The following NCOA2 variants were observed in gnomAD, a reference collection of about 807,000 sequenced individuals.
NCOA2 encodes the protein class E basic helix-loop-helix protein 75.
A neutral mutation model predicts 145.1 loss-of-function variants in NCOA2; 21 were observed. The ratio of observed to expected loss-of-function variants is 0.14; its 90% CI spans 0.10 to 0.21. NCOA2 has a LOEUF of 0.21. NCOA2 is among the 10% of genes least tolerant of loss of function. The probability of loss-of-function intolerance (pLI) is 1.00; values close to 1 mark genes in which losing one functional copy is unlikely to be tolerated. For missense variants in NCOA2, 1,472 were observed against 1,837.6 expected, an observed-to-expected ratio of 0.80 and a Z score of 3.64; for synonymous variants, 619 against 637.5, an observed-to-expected ratio of 0.97 and a Z score of 0.44.
intron 10 of NCOA2, among the ~76,000 whole-genome samples, chr8:70,159,242 A>ATATATATATATTTTTTTTTTT: frequency 3.3e-5 from 2 of 61,076 alleles, no homozygotes; most frequent in African/African-American, 1.1e-4. Context: ...ATATATATAT[A>ATATATATATATTTTTTTTTTT]TTTTTTTTTT....
chr8:70,378,743 T>TTA (rs564704569), intron 1 of NCOA2, among the ~76,000 whole-genome samples: 2 of 109,878 alleles, frequency 1.8e-5, no homozygotes, highest in Non-Finnish European at 3.8e-5. Context: ...TAGGCTATGC[T>TTA]AAAAAAAAAA....
chr8:70,145,585 T>A (rs1034505444), intron 12 of NCOA2, among the ~76,000 whole-genome samples: 2 of 151,820 alleles, frequency 1.3e-5, no homozygotes, highest in Admixed American at 1.3e-4. Flanking sequence ...CCTCCCAAAG[T>A]GCTGGGATTA....
At chr8:70,115,220 G>A (rs1371560871) in intron 22 of NCOA2, among the ~76,000 whole-genome samples, 2 of 151,990 alleles carry the variant, frequency 1.3e-5, no homozygotes, top group Admixed American at 6.6e-5. Flanking sequence ...GTACGATCTC[G>A]GCTCACTGCA....
chr8:70,148,311 A>G lies in NCOA2; in HGVS notation c.2567T>C (p.Val856Ala). The G allele has an allele frequency of 6.2e-7, 1 of 1,613,984 alleles. No homozygotes were observed. The highest frequency in any genetic ancestry group is 8.5e-7 in the Non-Finnish European group (1 of 1,179,872). ...TCGCAGTGCTGTTTTCTGGGCTCCAACAGGTGTGACAGGGCTGTTTTCAGC... is the reference window on the plus strand; with the variant it reads ...TCGCAGTGCTGTTTTCTGGGCTCCAGCAGGTGTGACAGGGCTGTTTTCAGC... ...LTAENSPVTP[V>A]GAQKTALRIS... Residue 856 changes from valine to alanine, a missense_variant, in exon 12 of 23, where the codon GTT becomes GCT. By Grantham distance (64) the Val-to-Ala change is moderately conservative. Around this residue, in one of 4 missense-constraint regions of NCOA2, gnomAD observed 953 missense variants for 1,062.1 expected, o/e 0.90. Transcript: ENST00000452400.
At chr8:70,226,965 T>C (rs1278326440) in intron 2 of NCOA2, among the ~76,000 whole-genome samples, 3 of 151,424 alleles carry the variant, frequency 2.0e-5, no homozygotes. Flanking sequence ...GCTTCACAGA[T>C]TCCACCAGGA....
chr8:70,340,845 C>A (rs982652454), intron 1 of NCOA2, among the ~76,000 whole-genome samples: 1 of 152,082 alleles, frequency 6.6e-6, no homozygotes, highest in East Asian at 1.9e-4. Flanking sequence ...AAACAAACAC[C>A]GCATGTTTTT....
At position 70,348,940 on chromosome 8, in the gene NCOA2, T is replaced by A. The variant is rs150873538; in HGVS notation, c.-76-52140A>T. Among the ~76,000 whole-genome samples the A allele has an allele frequency of 9.1e-4, 126 of 137,734 alleles. 1 individual carries two copies. Among genetic ancestry groups the A allele is most frequent in the African/African-American group, 3.4e-3 (122 of 36,336 alleles). The allele number at this position is 137,734 out of a possible 152,430, so 90.4% of individuals were successfully genotyped here. A position where few individuals can be genotyped will look rare whatever the true frequency, so the allele number is the denominator to read the frequency against. On this transcript the variant is annotated intron_variant, in intron 1 of 22. Coordinates refer to ENST00000452400, the MANE Select transcript of NCOA2 (RefSeq NM_006540.4). Reference sequence around the variant, plus strand: ...AGGCAAAAGCTTGGATTGCATAAGATCACTAAATTAAAAGGGCATACTGGC... The same window carrying A: ...AGGCAAAAGCTTGGATTGCATAAGAACACTAAATTAAAAGGGCATACTGGC...
intron 1 of NCOA2, among the ~76,000 whole-genome samples, chr8:70,369,877 C>CT (rs35798436): frequency 0.029 from 4,171 of 145,484 alleles, 90 homozygotes; most frequent in African/African-American, 0.065. Context: ...CCTCATTAAT[C>CT]TTTTTTTTTT....
chr8:70,246,598 A>G (rs187817257), intron 2 of NCOA2, among the ~76,000 whole-genome samples: 253 of 152,242 alleles, frequency 1.7e-3, no homozygotes, highest in Non-Finnish European at 2.4e-3. Context: ...TTATCATCTT[A>G]ACCATTTGTA....
At chr8:70,298,425 T>A (rs1400233899) in intron 1 of NCOA2, among the ~76,000 whole-genome samples, 1 of 152,156 alleles carries the variant, frequency 6.6e-6, no homozygotes, top group African/African-American at 2.4e-5. Flanking sequence ...AAAAAGAATC[T>A]ATATGCAAAT....
At chr8:70,169,370 C>A (rs573620102) in intron 6 of NCOA2, among the ~76,000 whole-genome samples, 1 of 152,216 alleles carries the variant, frequency 6.6e-6, no homozygotes, top group Non-Finnish European at 1.5e-5. Context: ...GGAGAGTCTG[C>A]AAGACCGAAG....
At chr8:70,211,559 C>T (rs980280931) in intron 4 of NCOA2, among the ~76,000 whole-genome samples, 7 of 152,088 alleles carry the variant, frequency 4.6e-5, no homozygotes, top group Non-Finnish European at 1.0e-4. Context: ...TTACATGGCT[C>T]ATGATATCTT....
chr8:70,129,949 C>T (rs529822132), intron 16 of NCOA2, among the ~76,000 whole-genome samples: 11 of 152,194 alleles, frequency 7.2e-5, no homozygotes, highest in Non-Finnish European at 1.5e-4. Flanking sequence ...GGATTACAGG[C>T]GTGAGCCACC....
rs1013017747 is a variant in NCOA2, at chr8:70,167,119, G to A, written c.542-365C>T. Reference sequence around the variant, plus strand: ...GAATACTATAGTTTTCTACTTTTGCGTCTTCCTAACTGATTTCTTAGAAAT... The same window carrying A: ...GAATACTATAGTTTTCTACTTTTGCATCTTCCTAACTGATTTCTTAGAAAT... On this transcript the variant is annotated intron_variant, in intron 6 of 22. Coordinates refer to ENST00000452400, the MANE Select transcript of NCOA2 (RefSeq NM_006540.4). Among the ~76,000 whole-genome samples, 11 of 152,150 alleles carry A rather than the reference G, an allele frequency of 7.2e-5. 1 individual carries two copies. The highest frequency in any genetic ancestry group is 3.9e-4 in the Admixed American group (6 of 15,280).
At position 70,343,473 on chromosome 8, in the gene NCOA2, G is replaced by A. The variant is rs113124195; in HGVS notation, c.-76-46673C>T. Among the ~76,000 whole-genome samples the A allele has an allele frequency of 3.1e-3, 465 of 151,788 alleles. 5 individuals carry two copies. The highest frequency in any genetic ancestry group is 0.011 in the African/African-American group (452 of 41,366). On this transcript the variant is annotated intron_variant, in intron 1 of 22. Transcript: ENST00000452400. ...GATCCCTACTTTCTCTTTCATTAAG[G>A]ATCTAGTATCACTTGAAGCTTTCAT...
At chr8:70,208,171 G>C (rs1237772459) in intron 4 of NCOA2, among the ~76,000 whole-genome samples, 2 of 152,152 alleles carry the variant, frequency 1.3e-5, no homozygotes, top group African/African-American at 4.8e-5. Context: ...TGTCTGGACA[G>C]AAGATCAAGC....
intron 4 of NCOA2, among the ~76,000 whole-genome samples, chr8:70,191,237 T>C (rs1816641525): frequency 6.6e-6 from 1 of 152,236 alleles, no homozygotes; most frequent in Admixed American, 6.5e-5. Flanking sequence ...AGAGAGTATA[T>C]TCTTACAATT....
upstream of NCOA2, chr8:70,403,884 C>T (rs969594453): frequency 7.8e-6 from 3 of 384,016 alleles, no homozygotes; most frequent in Admixed American, 9.0e-5. Context: ...TCCTCCGCGT[C>T]TCCGCACTTG....
intron 22 of NCOA2, among the ~76,000 whole-genome samples, chr8:70,117,393 A>C (rs1807262454): frequency 6.6e-6 from 1 of 152,236 alleles, no homozygotes; most frequent in Non-Finnish European, 1.5e-5. Context: ...TTCGAGGCCA[A>C]AAGATTCATT....
Sources: gnomAD v4.1 joint callset for allele counts (sites outside exome capture counted in the v4.1 genomes callset) on GRCh38, gnomAD v4.1.1 for gene constraint, gnomAD v4.1.1 regional missense constraint, MANE v1.5 for transcripts, NCBI Gene and HGNC (gene_info 2026-07-23, HGNC 2026-07-21) for gene names.